The following SCAPER variants were observed in gnomAD, a reference collection of about 807,000 sequenced individuals.
SCAPER encodes the protein S phase cyclin A-associated protein in the endoplasmic reticulum.
Under a neutral mutation model 182.2 loss-of-function variants are expected in SCAPER, and 98 were observed. The ratio of observed to expected loss-of-function variants is 0.54; its 90% CI spans 0.46 to 0.64. The LOEUF is 0.64. Among genes scored for constraint, SCAPER ranks in the 30% least tolerant of loss-of-function variants. The probability of loss-of-function intolerance (pLI) is 0.00; values close to 1 mark genes in which losing one functional copy is unlikely to be tolerated. For missense variants in SCAPER, 1,432 were observed against 1,690.0 expected, an observed-to-expected ratio of 0.85 and a Z score of 2.68; for synonymous variants, 605 against 564.6, an observed-to-expected ratio of 1.07 and a Z score of -1.01.
At chr15:76,885,667 C>T (rs1456559843) in intron 1 of SCAPER, among the ~76,000 whole-genome samples, 1 of 152,044 alleles carries the variant, frequency 6.6e-6, no homozygotes, top group Non-Finnish European at 1.5e-5. Context: ...TATTTTTTGG[C>T]AGAGACGGAG....
intron 7 of SCAPER, among the ~76,000 whole-genome samples, chr15:76,799,566 T>A (rs1331965068): frequency 2.6e-5 from 4 of 152,114 alleles, no homozygotes; most frequent in Non-Finnish European, 5.9e-5. Context: ...ATATAGACAA[T>A]TTCAAACATA....
chr15:76,783,890 T>C (rs1006643317), intron 8 of SCAPER, among the ~76,000 whole-genome samples: 1 of 152,198 alleles, frequency 6.6e-6, no homozygotes, highest in African/African-American at 2.4e-5. Context: ...TATCTCAAAA[T>C]AATAAGAGCT....
chr15:76,697,526 A>G (rs1238026697), intron 20 of SCAPER, among the ~76,000 whole-genome samples: 5 of 152,258 alleles, frequency 3.3e-5, no homozygotes. Flanking sequence ...TCACTGAAAT[A>G]AAAACATGCG....
chr15:76,495,991 GAGACACACACACACACAC>G (rs1305690563), intron 24 of SCAPER, among the ~76,000 whole-genome samples: 27 of 100,974 alleles, frequency 2.7e-4, no homozygotes, highest in East Asian at 9.5e-4. Flanking sequence ...GCAAAAGAGA[GAGACACACACACACACAC>G]ACACACACAC....
chr15:76,449,618 T>A (rs770188752), intron 25 of SCAPER, among the ~76,000 whole-genome samples: 3 of 152,222 alleles, frequency 2.0e-5, no homozygotes, highest in Non-Finnish European at 4.4e-5. Flanking sequence ...CTATGACAAG[T>A]GGGTACAAGG....
chr15:76,383,103 A>T (rs75801790), intron 27 of SCAPER, among the ~76,000 whole-genome samples: 2 of 8,682 alleles, frequency 2.3e-4, no homozygotes, highest in Non-Finnish European at 8.3e-4. Flanking sequence ...TGTGTGTGTA[A>T]ATACACACAC....
At chr15:76,526,727 T>C (rs2144434143) in intron 23 of SCAPER, among the ~76,000 whole-genome samples, 1 of 152,248 alleles carries the variant, frequency 6.6e-6, no homozygotes, top group East Asian at 1.9e-4. Context: ...GGTATATTTT[T>C]ACTTCCTAGA....
At chr15:76,607,095 C>T (rs1450019668) in intron 22 of SCAPER, among the ~76,000 whole-genome samples, 2 of 152,182 alleles carry the variant, frequency 1.3e-5, no homozygotes, top group South Asian at 2.1e-4. Context: ...TTAGTTGATG[C>T]AGTTTCTTCC....
chr15:76,759,292 C>T (rs1190811838), intron 14 of SCAPER, among the ~76,000 whole-genome samples: 7 of 152,182 alleles, frequency 4.6e-5, no homozygotes, highest in Admixed American at 3.3e-4. Context: ...CTTTATTTAT[C>T]GTATAATAGT....
At chr15:76,864,269 A>C (rs1165442343) in intron 2 of SCAPER, among the ~76,000 whole-genome samples, 1 of 152,176 alleles carries the variant, frequency 6.6e-6, no homozygotes, top group Non-Finnish European at 1.5e-5. Flanking sequence ...TCTCCAACAT[A>C]AGATCCCCAG....
chr15:76,720,663 A>C (rs1322822833), intron 17 of SCAPER, among the ~76,000 whole-genome samples: 3 of 152,144 alleles, frequency 2.0e-5, no homozygotes, highest in Non-Finnish European at 4.4e-5. Flanking sequence ...TTTGATTTGC[A>C]TTTCTCTGAT....
chr15:76,865,124 T>C (rs1473545194), intron 2 of SCAPER, among the ~76,000 whole-genome samples: 2 of 152,120 alleles, frequency 1.3e-5, no homozygotes, highest in Non-Finnish European at 2.9e-5. Flanking sequence ...ATTAATCTCT[T>C]TGACAGTATA....
At chr15:76,704,603 T>G (rs2059144447) in intron 18 of SCAPER, among the ~76,000 whole-genome samples, 1 of 152,164 alleles carries the variant, frequency 6.6e-6, no homozygotes, top group African/African-American at 2.4e-5. Context: ...TTGCTTGTTT[T>G]TCTCAGGTTT....
At chr15:76,446,848 G>A (rs1003525537) in intron 25 of SCAPER, among the ~76,000 whole-genome samples, 1 of 152,144 alleles carries the variant, frequency 6.6e-6, no homozygotes, top group East Asian at 1.9e-4. Context: ...TTATCATGGT[G>A]TGAAAGAGAT....
chr15:76,697,010 G>A lies in SCAPER; in HGVS notation c.2508+4748C>T, dbSNP rs75129598. On this transcript the variant is annotated intron_variant, in intron 20 of 31. Coordinates refer to ENST00000563290, the MANE Select transcript of SCAPER (RefSeq NM_020843.4). Reference sequence around the variant, plus strand: ...CAGGCTTAAAACAAAATGTGTCAAAGATCAAGAGTAAGTTATCTGAGATGT... The same window carrying A: ...CAGGCTTAAAACAAAATGTGTCAAAAATCAAGAGTAAGTTATCTGAGATGT... Among the ~76,000 whole-genome samples, 906 of 152,236 alleles carry A rather than the reference G, an allele frequency of 6.0e-3. 4 individuals carry two copies. Among genetic ancestry groups the A allele is most frequent in the African/African-American group, 0.021 (873 of 41,558 alleles).
chr15:76,657,581 A>G (rs1391639038), intron 21 of SCAPER, among the ~76,000 whole-genome samples: 1 of 70,000 alleles, frequency 1.4e-5, no homozygotes, highest in African/African-American at 3.6e-5. Flanking sequence ...TGGCAGAGAC[A>G]CAACAACAAA....
At chr15:76,728,834 C>G (rs2060742776) in intron 16 of SCAPER, 97 bp from the exon 17 acceptor site, 6 of 1,294,856 alleles carry the variant, frequency 4.6e-6, no homozygotes. Flanking sequence ...ATGTTCAAGC[C>G]AAGTAGAAAC....
rs2071089992 is a variant in SCAPER, at chr15:76,854,245, G to A, written c.195+3564C>T. On this transcript the variant is annotated intron_variant, in intron 4 of 31. Coordinates refer to ENST00000563290, the MANE Select transcript of SCAPER (RefSeq NM_020843.4). ...GATCATGCCACTGCACTCCATCCTG[G>A]CAATAGAGCAAGACTCCATCTCAAA... is the stretch of plus-strand genomic sequence containing the variant. Among the ~76,000 whole-genome samples, 5 of 151,986 alleles carry A rather than the reference G, an allele frequency of 3.3e-5. No individual in the cohort carries two copies. The South Asian group carries it at 1.0e-3, about 32-fold the overall frequency.
At chr15:76,510,894 C>CGT (rs2041976189) in intron 23 of SCAPER, among the ~76,000 whole-genome samples, 1 of 150,782 alleles carries the variant, frequency 6.6e-6, no homozygotes, top group Non-Finnish European at 1.5e-5. Context: ...TGTGTGCGCG[C>CGT]GCGCACGTAT....
Sources: gnomAD v4.1 joint callset for allele counts (sites outside exome capture counted in the v4.1 genomes callset) on GRCh38, gnomAD v4.1.1 for gene constraint, MANE v1.5 for transcripts, NCBI Gene and HGNC (gene_info 2026-07-23, HGNC 2026-07-21) for gene names.